The following GRXCR1 variants were observed in gnomAD, a reference collection of about 807,000 sequenced individuals.
GRXCR1 encodes glutaredoxin and cysteine rich domain containing 1.
In GRXCR1, 27 loss-of-function variants were observed where a neutral mutation model predicts 27.3. The ratio of observed to expected loss-of-function variants is 0.99; its 90% CI spans 0.73 to 1.37. The LOEUF is 1.37. Ranked by LOEUF, GRXCR1 falls within the 40% of genes most tolerant of loss-of-function variation. The probability of loss-of-function intolerance (pLI) is 0.00; values close to 1 mark genes in which losing one functional copy is unlikely to be tolerated. For missense variants in GRXCR1, 379 were observed against 354.4 expected (o/e 1.07, Z -0.56); for synonymous variants, 122 against 131.1 (o/e 0.93, Z 0.47).
At chr4:42,893,797 C>G (rs1161913292) in intron 1 of GRXCR1, 147 bp downstream of exon 1, 11 of 834,086 alleles carry the variant, frequency 1.3e-5, no homozygotes, top group Non-Finnish European at 2.0e-5. Flanking sequence ...ACTGTCCTAA[C>G]AGCTATCAAT....
Position 42,893,282 on chromosome 4 carries a change from A to AT in GRXCR1, c.17dup (p.Met6IlefsTer6). ...GGAGGTGACCATGCTTAAAAGGGAGATGAAGCCAGAAAGTGACAGGCCACG... is the reference window on the plus strand; with the variant it reads ...GGAGGTGACCATGCTTAAAAGGGAGATTGAAGCCAGAAAGTGACAGGCCACG... On this transcript the variant is annotated frameshift_variant, in exon 1 of 4. Transcript: ENST00000399770. LOFTEE classifies it high-confidence loss of function. 1.2e-6 allele frequency: 2 copies of AT among 1,613,638 alleles called. No individual in the cohort carries two copies. The highest frequency in any genetic ancestry group is 1.7e-6 in the Non-Finnish European group (2 of 1,179,698).
chr4:42,955,561 T>C (rs1226944135), intron 1 of GRXCR1, among the ~76,000 whole-genome samples: 2 of 152,136 alleles, frequency 1.3e-5, no homozygotes, highest in Non-Finnish European at 2.9e-5. Flanking sequence ...TCTGTCTCCT[T>C]GTCAAGGATA....
At chr4:42,973,463 C>T (rs1748434140) in intron 2 of GRXCR1, among the ~76,000 whole-genome samples, 2 of 151,698 alleles carry the variant, frequency 1.3e-5, no homozygotes, top group South Asian at 4.1e-4. Flanking sequence ...TTTGGGGGTC[C>T]TTGCCGATGT....
Position 42,997,682 on chromosome 4 carries a change from A to G in GRXCR1, c.628-22672A>G, listed in dbSNP as rs576391400. On this transcript the variant is annotated intron_variant, in intron 2 of 3. Transcript: ENST00000399770. ...TCTCCCTGATCACCCCAGGGCCCGG[A>G]ATCAGAAAACTAGGGATGGCCTTTC... Among the ~76,000 whole-genome samples, 6 of 152,298 alleles carry G rather than the reference A, an allele frequency of 3.9e-5. No homozygotes were observed. In the South Asian group the frequency reaches 1.2e-3, roughly 32 times the overall value.
At chr4:43,010,558 G>A (rs559207643) in intron 2 of GRXCR1, among the ~76,000 whole-genome samples, 241 of 152,198 alleles carry the variant, frequency 1.6e-3, no homozygotes, top group African/African-American at 5.6e-3. Context: ...GAATTTTAGA[G>A]GATTCTCTAA....
intron 2 of GRXCR1, among the ~76,000 whole-genome samples, chr4:43,006,768 C>G (rs1186064123): frequency 1.3e-5 from 2 of 152,190 alleles, no homozygotes; most frequent in Admixed American, 6.5e-5. Flanking sequence ...GTGACCCACA[C>G]CTATTCACAC....
intron 2 of GRXCR1, among the ~76,000 whole-genome samples, chr4:43,019,149 C>T (rs1343479132): frequency 6.6e-6 from 1 of 152,140 alleles, no homozygotes; most frequent in Non-Finnish European, 1.5e-5. Context: ...TGCCACCAAC[C>T]TCAGAAAGCC....
intron 2 of GRXCR1, among the ~76,000 whole-genome samples, chr4:42,981,144 T>A (rs575753669): frequency 7.0e-6 from 1 of 143,872 alleles, no homozygotes; most frequent in East Asian, 2.0e-4. Context: ...AATGATTTTC[T>A]GTAGTGGTAT....
intron 1 of GRXCR1, among the ~76,000 whole-genome samples, chr4:42,954,165 C>A (rs925563271): frequency 6.6e-6 from 1 of 152,040 alleles, no homozygotes; most frequent in Non-Finnish European, 1.5e-5. Context: ...GATAGTGAAC[C>A]AGTTAGTATA....
At chr4:43,000,951 G>T (rs149400502) in intron 2 of GRXCR1, among the ~76,000 whole-genome samples, 4 of 151,922 alleles carry the variant, frequency 2.6e-5, no homozygotes, top group East Asian at 1.9e-4. Context: ...TCTTGAGAAG[G>T]CGCCTCACTC....
intron 1 of GRXCR1, among the ~76,000 whole-genome samples, chr4:42,961,741 T>C (rs1231690484): frequency 6.6e-6 from 1 of 152,030 alleles, no homozygotes; most frequent in Non-Finnish European, 1.5e-5. Context: ...GAACTTTGTA[T>C]TGGCATCTTT....
intron 3 of GRXCR1, among the ~76,000 whole-genome samples, chr4:43,023,762 TA>T (rs1270966927): frequency 6.6e-6 from 1 of 152,200 alleles, no homozygotes; most frequent in African/African-American, 2.4e-5. Context: ...AGGGAATAAA[TA>T]AATGACTTCT....
At chr4:42,895,879 C>A (rs570829567) in intron 1 of GRXCR1, among the ~76,000 whole-genome samples, 1 of 152,046 alleles carries the variant, frequency 6.6e-6, no homozygotes, top group East Asian at 1.9e-4. Flanking sequence ...GACTTTTCCC[C>A]CTATATATTT....
chr4:43,022,645 A>T (rs1713131829), intron 3 of GRXCR1, among the ~76,000 whole-genome samples: 1 of 152,158 alleles, frequency 6.6e-6, no homozygotes, highest in Admixed American at 6.6e-5. Flanking sequence ...AATCAAGAAA[A>T]CCCAGAACTC....
intron 1 of GRXCR1, among the ~76,000 whole-genome samples, chr4:42,898,815 G>T (rs959876625): frequency 2.7e-5 from 4 of 150,282 alleles, no homozygotes; most frequent in Non-Finnish European, 5.9e-5. Flanking sequence ...GTAGTGTTCT[G>T]TCAAGACTAT....
chr4:43,026,082 A>G (rs1441014260), intron 3 of GRXCR1, among the ~76,000 whole-genome samples: 3 of 151,908 alleles, frequency 2.0e-5, no homozygotes, highest in Admixed American at 1.3e-4. Context: ...TAGTAATATT[A>G]TTAGTAAAGT....
At chr4:42,962,797 T>G in intron 1 of GRXCR1, 95 bp from the exon 2 acceptor site, 1 of 1,394,302 alleles carries the variant, frequency 7.2e-7, no homozygotes, top group Non-Finnish European at 1.0e-6. Flanking sequence ...TTCAATTTTA[T>G]TGCATGGCTT....
chr4:42,934,158 G>A (rs1408308825), intron 1 of GRXCR1, among the ~76,000 whole-genome samples: 1 of 151,476 alleles, frequency 6.6e-6, no homozygotes, highest in Non-Finnish European at 1.5e-5. Flanking sequence ...TAGAACACAG[G>A]TAGAGACAGT....
chr4:42,966,063 G>T (rs898654639), intron 2 of GRXCR1, among the ~76,000 whole-genome samples: 1 of 152,006 alleles, frequency 6.6e-6, no homozygotes, highest in Admixed American at 6.6e-5. Context: ...AAATACTTTA[G>T]AAGGTAAATC....
Sources: allele counts gnomAD v4.1 joint callset (sites outside exome capture counted in the v4.1 genomes callset), GRCh38; gene constraint gnomAD v4.1.1; transcripts MANE v1.5; gene names NCBI Gene and HGNC (gene_info 2026-07-23, HGNC 2026-07-21).